The following DIP2C variants were observed in gnomAD, a reference collection of about 807,000 sequenced individuals.
The protein encoded by DIP2C is disco-interacting protein 2 homolog C.
Under a neutral mutation model 192.4 loss-of-function variants are expected in DIP2C, and 33 were observed. The observed-to-expected ratio is 0.17, with a 90% CI of 0.13 to 0.23. The LOEUF is 0.23. Ranked by LOEUF, DIP2C falls within the 10% of genes least tolerant of loss-of-function variation. The probability of loss-of-function intolerance (pLI) is 1.00; values close to 1 mark genes in which losing one functional copy is unlikely to be tolerated. For synonymous variants in DIP2C, 979 were observed against 864.1 expected, an observed-to-expected ratio of 1.13 and a Z score of -2.33; for missense variants, 1,537 against 2,110.1, an observed-to-expected ratio of 0.73 and a Z score of 5.32.
At chr10:600,975 G>T (rs1445427991) in intron 1 of DIP2C, among the ~76,000 whole-genome samples, 1 of 152,118 alleles carries the variant, frequency 6.6e-6, no homozygotes, top group Admixed American at 6.5e-5. Flanking sequence ...GTGCACACAT[G>T]GGTAGCCAGC....
intron 1 of DIP2C, among the ~76,000 whole-genome samples, chr10:566,920 C>T (rs887676868): frequency 1.6e-4 from 25 of 152,244 alleles, no homozygotes; most frequent in Admixed American, 1.6e-3. Flanking sequence ...CCATTCCATA[C>T]ACCATCAAAT....
In DIP2C at chr10:647,750, C is replaced by T. The variant is rs184292593; in HGVS notation, c.85+41744G>A. On this transcript the variant is annotated intron_variant, in intron 1 of 36. Transcript: ENST00000280886. ...GAACAGAGGGAAACTGAGTCCACGT[C>T]CACATTGGATGGTGGGAGAGAACAG... 2.7e-5 allele frequency among the ~76,000 whole-genome samples: 4 copies of T among 150,798 alleles called. No individual in the cohort carries two copies. The East Asian group carries it at 7.9e-4, about 30-fold the overall frequency.
At chr10:670,412 AG>A (rs1381128467) in intron 1 of DIP2C, among the ~76,000 whole-genome samples, 1 of 152,192 alleles carries the variant, frequency 6.6e-6, no homozygotes, top group African/African-American at 2.4e-5. Context: ...GTATCATCTC[AG>A]GTACGTGGAT....
At chr10:297,184 A>G (rs1955796585) in intron 32 of DIP2C, among the ~76,000 whole-genome samples, 1 of 151,510 alleles carries the variant, frequency 6.6e-6, no homozygotes, top group Non-Finnish European at 1.5e-5. Flanking sequence ...ACAGAGTGAG[A>G]CTGTCTCAAA....
At chr10:517,428 C>A (rs1405800667) in intron 1 of DIP2C, among the ~76,000 whole-genome samples, 1 of 152,152 alleles carries the variant, frequency 6.6e-6, no homozygotes, top group East Asian at 1.9e-4. Context: ...CCCACCCAAG[C>A]CCGACGCTCC....
chr10:638,576 C>T (rs1000625720), intron 1 of DIP2C, among the ~76,000 whole-genome samples: 2 of 152,196 alleles, frequency 1.3e-5, no homozygotes, highest in Non-Finnish European at 2.9e-5. Context: ...TAAATAAGTG[C>T]ATCGCCTCAA....
At chr10:637,459 T>A (rs373835017) in intron 1 of DIP2C, among the ~76,000 whole-genome samples, 3 of 152,188 alleles carry the variant, frequency 2.0e-5, no homozygotes, top group East Asian at 1.9e-4. Flanking sequence ...ACCTGACAGG[T>A]TTGTCTGGTG....
At chr10:514,568 A>G (rs780912978) in intron 1 of DIP2C, among the ~76,000 whole-genome samples, 2 of 152,070 alleles carry the variant, frequency 1.3e-5, no homozygotes, top group Non-Finnish European at 2.9e-5. Context: ...TGCAGACCAG[A>G]CCTCACTCCA....
At chr10:580,213 A>G (rs1004746785) in intron 1 of DIP2C, among the ~76,000 whole-genome samples, 1 of 150,756 alleles carries the variant, frequency 6.6e-6, no homozygotes, top group African/African-American at 2.5e-5. Context: ...CATATATATA[A>G]TGTATATATG....
intron 1 of DIP2C, among the ~76,000 whole-genome samples, chr10:576,161 G>A (rs974248466): frequency 6.6e-6 from 1 of 152,238 alleles, no homozygotes; most frequent in African/African-American, 2.4e-5. Context: ...CTGGCACCAA[G>A]CAGAATGTCA....
intron 24 of DIP2C, among the ~76,000 whole-genome samples, chr10:350,970 C>A (rs1342102361): frequency 6.6e-6 from 1 of 152,080 alleles, no homozygotes; most frequent in African/African-American, 2.4e-5. Flanking sequence ...TGAGTCACAG[C>A]TACAAAGATG....
At position 286,340 on chromosome 10, in the gene DIP2C, G is replaced by C. The variant is rs1162192030; in HGVS notation, c.4052C>G (p.Pro1351Arg). 2 of 1,613,998 alleles carry C rather than the reference G, an allele frequency of 1.2e-6. No homozygotes were observed. Among genetic ancestry groups the C allele is most frequent in the African/African-American group, 2.7e-5 (2 of 74,922 alleles). Residue 1351 changes from proline (P) to arginine (R), a missense_variant, in exon 34 of 37, where the codon CCA (proline) becomes CGA (arginine). By Grantham distance (103) the Pro-to-Arg change is moderately radical. Transcript: ENST00000280886. ...LPLMESGKIL[P>R]GVRIIIANPE... ...GTTGGCAATTATAATCCGAACCCCTGGAAGTATCTATTTGGGAGAGGAAAA... is the reference window on the plus strand; with the variant it reads ...GTTGGCAATTATAATCCGAACCCCTCGAAGTATCTATTTGGGAGAGGAAAA...
chr10:347,622 C>T (rs1257388315), intron 26 of DIP2C, among the ~76,000 whole-genome samples: 1 of 134,418 alleles, frequency 7.4e-6, no homozygotes, highest in Non-Finnish European at 1.6e-5. Context: ...CTACATACAC[C>T]CAACCCAGAC....
chr10:523,001 CTCTG>C (rs1488254865), intron 1 of DIP2C, among the ~76,000 whole-genome samples: 1 of 151,954 alleles, frequency 6.6e-6, no homozygotes, highest in Non-Finnish European at 1.5e-5. Context: ...GATGCACGGA[CTCTG>C]TGTGACACAT....
intron 3 of DIP2C, among the ~76,000 whole-genome samples, chr10:449,772 AAAGTAT>A (rs753181599): frequency 3.6e-4 from 53 of 145,336 alleles, no homozygotes; most frequent in East Asian, 1.6e-3. Context: ...CCTAAAACTT[AAAGTAT>A]AATTAAAAAA....
chr10:658,766 A>G (rs1475900034), intron 1 of DIP2C, among the ~76,000 whole-genome samples: 1 of 152,198 alleles, frequency 6.6e-6, no homozygotes, highest in Non-Finnish European at 1.5e-5. Context: ...TTTAACATAT[A>G]TTTAACCCCA....
chr10:356,541 G>A, intron 23 of DIP2C, 35 bp from the exon 24 acceptor site: 2 of 1,583,100 alleles, frequency 1.3e-6, no homozygotes, highest in East Asian at 2.2e-5. Context: ...ATCAGGCTGT[G>A]CGGTTGGATC....
intron 1 of DIP2C, chr10:668,343 C>A (rs1857239369): frequency 6.9e-6 from 1 of 145,260 alleles, no homozygotes; most frequent in Non-Finnish European, 1.6e-5. Flanking sequence ...ACAAGGCACT[C>A]ACACAACACA....
chr10:485,458 T>TA (rs1343688529), intron 2 of DIP2C, among the ~76,000 whole-genome samples: 1 of 152,204 alleles, frequency 6.6e-6, no homozygotes, highest in Admixed American at 6.5e-5. Context: ...AAGCCTCTGC[T>TA]AAGCAAGGTC....
Sources: allele counts gnomAD v4.1 joint callset (sites outside exome capture counted in the v4.1 genomes callset), GRCh38; gene constraint gnomAD v4.1.1; transcripts MANE v1.5; gene names NCBI Gene and HGNC (gene_info 2026-07-23, HGNC 2026-07-21).